The following ERBIN variants were observed in gnomAD, a reference collection of about 807,000 sequenced individuals.
The protein encoded by ERBIN is erbb2 interacting protein, also known as densin-180-like protein.
ERBIN carries 60 observed loss-of-function variants against 158.4 expected under a neutral mutation model. That is an observed-to-expected ratio of 0.38 (90% CI 0.31 to 0.47). ERBIN has a LOEUF of 0.47. Among genes scored for constraint, ERBIN ranks in the 20% least tolerant of loss-of-function variants. The pLI is 0.99. For missense variants in ERBIN, 1,610 were observed against 1,648.0 expected, an observed-to-expected ratio of 0.98 and a Z score of 0.40; for synonymous variants, 594 against 557.2, an observed-to-expected ratio of 1.07 and a Z score of -0.93.
chr5:65,961,325 G>A (rs1228657564), intron 1 of ERBIN: 1 of 152,128 alleles, frequency 6.6e-6, no homozygotes, highest in Non-Finnish European at 1.5e-5. Context: ...TGTGACTTAC[G>A]CTGAACTGTG....
In ERBIN at chr5:65,939,552, CG is replaced by C. The variant is rs1215483559; in HGVS notation, c.-58+12748del. ...CCTCTCCCCCCTCTCCCTCTCCCCACGGTCTCCCTCTCCCTCTCTTTCCACG... is the reference window on the plus strand; with the variant it reads ...CCTCTCCCCCCTCTCCCTCTCCCCACGTCTCCCTCTCCCTCTCTTTCCACG... On this transcript the variant is annotated intron_variant, in intron 1 of 25. Coordinates refer to ENST00000284037, the MANE Select transcript of ERBIN (RefSeq NM_001253697.2). Among the ~76,000 whole-genome samples, 4 of 151,862 alleles carry C rather than the reference CG, an allele frequency of 2.6e-5. 1 individual carries two copies. The highest frequency in any genetic ancestry group is 7.3e-5 in the African/African-American group (3 of 41,270).
intron 1 of ERBIN, among the ~76,000 whole-genome samples, chr5:65,932,504 A>G (rs1002672403): frequency 6.6e-6 from 1 of 152,204 alleles, no homozygotes. Context: ...TGACATTTCA[A>G]TATTATAAAC....
chr5:66,051,509 GAAAA>G (rs988047290), intron 20 of ERBIN, among the ~76,000 whole-genome samples: 2 of 150,864 alleles, frequency 1.3e-5, no homozygotes, highest in Non-Finnish European at 3.0e-5. Context: ...GGTTTGAAAA[GAAAA>G]AAAAAGAAGA....
At chr5:65,940,671 C>A (rs1213148173) in intron 1 of ERBIN, among the ~76,000 whole-genome samples, 1 of 145,830 alleles carries the variant, frequency 6.9e-6, no homozygotes, top group African/African-American at 2.6e-5. Flanking sequence ...GCCCGGCCAG[C>A]CGCCCGGTCC....
chr5:66,076,164 GTAT>G, intron 23 of ERBIN, 149 bp from the exon 24 acceptor site: 1 of 615,538 alleles, frequency 1.6e-6, no homozygotes, highest in Non-Finnish European at 2.8e-6. Flanking sequence ...ATTCTATGTT[GTAT>G]TTCACTTCAT....
chr5:65,958,377 G>A (rs1747501661), intron 1 of ERBIN, among the ~76,000 whole-genome samples: 1 of 152,350 alleles, frequency 6.6e-6, no homozygotes, highest in East Asian at 1.9e-4. Context: ...CCGGCACCTC[G>A]GGAGGCGGAG....
chr5:66,004,046 T>C (rs1292415861), intron 4 of ERBIN, among the ~76,000 whole-genome samples: 1 of 150,860 alleles, frequency 6.6e-6, no homozygotes, highest in African/African-American at 2.4e-5. Flanking sequence ...CAAGGGAGGC[T>C]TCCCCCTCAT....
chr5:66,028,852 G>A (rs1756556762), intron 14 of ERBIN, among the ~76,000 whole-genome samples: 1 of 152,062 alleles, frequency 6.6e-6, no homozygotes. Context: ...GTTTCTATGA[G>A]TTTATCTTTT....
chr5:65,997,401 A>G (rs1328071511), intron 4 of ERBIN, among the ~76,000 whole-genome samples: 2 of 152,102 alleles, frequency 1.3e-5, no homozygotes, highest in South Asian at 2.1e-4. Context: ...TCACTTTTAT[A>G]TATATGTTGA....
Position 66,054,098 on chromosome 5 carries a change from T to A in ERBIN, c.2780T>A (p.Phe927Tyr), listed in dbSNP as rs1315722297. Residue 927 changes from phenylalanine to tyrosine, a missense_variant, in exon 21 of 26, where the codon TTT (phenylalanine) becomes TAT (tyrosine). This residue lies in a region of ERBIN where 1,014 missense variants were observed against 936.1 expected (regional missense o/e 1.08). Coordinates refer to ENST00000284037, the MANE Select transcript of ERBIN (RefSeq NM_001253697.2). ...TLLYDQPLQV[F>Y]TGSSSSSDLI... ...TTGTATGATCAACCATTGCAGGTAT[T>A]TACTGGTTCTTCCTCATCTTCTGAT... is the stretch of plus-strand genomic sequence containing the variant. 6.2e-7 allele frequency: 1 copy of A among 1,614,172 alleles called. No homozygotes were observed. Among genetic ancestry groups the A allele is most frequent in the Admixed American group, 1.7e-5 (1 of 60,022 alleles).
At chr5:66,030,667 A>G (rs1046382559) in intron 14 of ERBIN, among the ~76,000 whole-genome samples, 1 of 151,490 alleles carries the variant, frequency 6.6e-6, no homozygotes, top group African/African-American at 2.4e-5. Flanking sequence ...GGCTCAAGCA[A>G]TCCTCCCACC....
chr5:65,971,374 T>C (rs1040503644), intron 1 of ERBIN, among the ~76,000 whole-genome samples: 5 of 152,030 alleles, frequency 3.3e-5, no homozygotes, highest in Non-Finnish European at 7.4e-5. Context: ...GGTAGAAAGA[T>C]AGAGACAGAG....
At chr5:66,029,910 T>C (rs958007382) in intron 14 of ERBIN, among the ~76,000 whole-genome samples, 2 of 151,994 alleles carry the variant, frequency 1.3e-5, no homozygotes, top group Non-Finnish European at 2.9e-5. Flanking sequence ...GTTTCTTACC[T>C]AGCCATTACT....
At position 66,060,578 on chromosome 5, in the gene ERBIN, C is replaced by T. The variant is rs1760166128; in HGVS notation, c.3633+5627C>T. Among the ~76,000 whole-genome samples, 5 of 152,106 alleles carry T rather than the reference C, an allele frequency of 3.3e-5. No individual in the cohort carries two copies. The South Asian group carries it at 1.0e-3, about 31-fold the overall frequency. ...GATCTTAGTTATTTCTTGTCTTCTG[C>T]TAGTTTTTGAATGTGTTTGCTCTTG... On this transcript the variant is annotated intron_variant, in intron 21 of 25. Transcript: ENST00000284037.
chr5:66,028,176 T>C, intron 13 of ERBIN, 98 bp from the exon 14 acceptor site: 1 of 753,596 alleles, frequency 1.3e-6, no homozygotes, highest in South Asian at 2.2e-5. Flanking sequence ...CATGTGCAAC[T>C]ATATAGCATT....
At chr5:65,942,202 C>T (rs1246136918) in intron 1 of ERBIN, among the ~76,000 whole-genome samples, 1 of 152,090 alleles carries the variant, frequency 6.6e-6, no homozygotes, top group Non-Finnish European at 1.5e-5. Flanking sequence ...AGCTGTTAGA[C>T]CAGTTGGAGA....
chr5:66,037,456 ACTGT>A (rs1377649203), intron 14 of ERBIN, among the ~76,000 whole-genome samples: 1 of 152,186 alleles, frequency 6.6e-6, no homozygotes, highest in Admixed American at 6.6e-5. Flanking sequence ...TGAGAGAAGC[ACTGT>A]CTTTGGGAAG....
intron 4 of ERBIN, among the ~76,000 whole-genome samples, chr5:65,999,905 C>T (rs1752851389): frequency 6.6e-6 from 1 of 152,074 alleles, no homozygotes; most frequent in Non-Finnish European, 1.5e-5. Context: ...ACACATAATC[C>T]AGAGTATTAT....
intron 21 of ERBIN, among the ~76,000 whole-genome samples, chr5:66,060,264 T>TGG (rs1304422175): frequency 3.3e-5 from 5 of 152,238 alleles, no homozygotes; most frequent in Admixed American, 6.5e-5. Context: ...GGTTTAGTCT[T>TGG]GGGAGAGTGT....
Sources: gnomAD v4.1 joint callset for allele counts (sites outside exome capture counted in the v4.1 genomes callset) on GRCh38, gnomAD v4.1.1 for gene constraint, gnomAD v4.1.1 regional missense constraint, MANE v1.5 for transcripts, NCBI Gene and HGNC (gene_info 2026-07-23, HGNC 2026-07-21) for gene names.